Variants in IKZF3 observed in about 807,000 individuals in gnomAD.
The protein encoded by IKZF3 is IKAROS family zinc finger 3, also known as zinc finger protein Aiolos.
IKZF3 carries 10 observed loss-of-function variants against 49.0 expected under a neutral mutation model. The observed-to-expected ratio is 0.20, with a 90% CI of 0.13 to 0.35. The LOEUF (loss-of-function observed/expected upper bound fraction) is 0.35, where lower values mean the gene tolerates loss of function less well. Ranked by LOEUF, IKZF3 falls within the 10% of genes least tolerant of loss-of-function variation. The pLI is 1.00. For missense variants in IKZF3, 498 were observed against 664.8 expected (o/e 0.75, Z 2.76); for synonymous variants, 209 against 228.2 (o/e 0.92, Z 0.76).
chr17:39,836,092 G>A (rs902025254), intron 1 of IKZF3: 3 of 660,038 alleles, frequency 4.5e-6, no homozygotes, highest in Non-Finnish European at 8.2e-6. Flanking sequence ...GATGAAGGGG[G>A]CAAACTTGTT....
At chr17:39,817,919 A>G (rs182409638) in intron 3 of IKZF3, among the ~76,000 whole-genome samples, 12 of 152,246 alleles carry the variant, frequency 7.9e-5, no homozygotes, top group African/African-American at 2.9e-4. Context: ...CAAACCCTAT[A>G]TACAGTCACA....
At chr17:39,817,923 A>C (rs757005985) in intron 3 of IKZF3, among the ~76,000 whole-genome samples, 5 of 152,146 alleles carry the variant, frequency 3.3e-5, no homozygotes, top group Non-Finnish European at 7.4e-5. Context: ...CCCTATATAC[A>C]GTCACATGCT....
intron 3 of IKZF3, among the ~76,000 whole-genome samples, chr17:39,799,837 G>C: frequency 6.6e-6 from 1 of 151,754 alleles, no homozygotes; most frequent in Middle Eastern, 3.2e-3. Context: ...CCCTTAACTA[G>C]AAAAAAAATT....
chr17:39,778,607 G>A (rs191026190), intron 6 of IKZF3, among the ~76,000 whole-genome samples: 2 of 152,282 alleles, frequency 1.3e-5, no homozygotes, highest in African/African-American at 4.8e-5. Flanking sequence ...TTCGAGACCA[G>A]CCTGACCAAC....
At chr17:39,786,525 T>C (rs2060879155) in intron 6 of IKZF3, among the ~76,000 whole-genome samples, 1 of 152,342 alleles carries the variant, frequency 6.6e-6, no homozygotes, top group South Asian at 2.1e-4. Flanking sequence ...CCATGAAGCA[T>C]GCCACTTAAG....
At chr17:39,797,291 C>T (rs1304782765) in intron 3 of IKZF3, among the ~76,000 whole-genome samples, 2 of 152,178 alleles carry the variant, frequency 1.3e-5, no homozygotes, top group African/African-American at 4.8e-5. Flanking sequence ...TTGAATATCA[C>T]CAACCATAAT....
At chr17:39,810,474 A>G (rs1372757426) in intron 3 of IKZF3, among the ~76,000 whole-genome samples, 2 of 152,188 alleles carry the variant, frequency 1.3e-5, no homozygotes, top group Non-Finnish European at 1.5e-5. Context: ...TTAAAAATAC[A>G]TAAGTAAGCT....
At chr17:39,781,837 A>G (rs1249864223) in intron 6 of IKZF3, among the ~76,000 whole-genome samples, 2 of 152,188 alleles carry the variant, frequency 1.3e-5, no homozygotes, top group Non-Finnish European at 2.9e-5. Flanking sequence ...CCAGATAAAC[A>G]TTATTCTGTA....
intron 3 of IKZF3, among the ~76,000 whole-genome samples, chr17:39,795,882 G>A (rs1016224197): frequency 1.3e-5 from 2 of 150,960 alleles, no homozygotes; most frequent in Non-Finnish European, 3.0e-5. Context: ...GCAAAACCCC[G>A]TCTCCACTAA....
chr17:39,862,365 A>G (rs2144611440), intron 1 of IKZF3, among the ~76,000 whole-genome samples: 1 of 152,300 alleles, frequency 6.6e-6, no homozygotes, highest in Non-Finnish European at 1.5e-5. Flanking sequence ...AAGGTATTCC[A>G]TGAAGTATTC....
chr17:39,850,860 A>G (rs1302572331), intron 1 of IKZF3, among the ~76,000 whole-genome samples: 58 of 97,940 alleles, frequency 5.9e-4, no homozygotes, highest in Non-Finnish European at 1.2e-3. Context: ...AATATGCTCT[A>G]TAGTATATAT....
At chr17:39,821,812 G>A (rs1598112678) in intron 3 of IKZF3, among the ~76,000 whole-genome samples, 2 of 152,186 alleles carry the variant, frequency 1.3e-5, no homozygotes, top group African/African-American at 4.8e-5. Flanking sequence ...AGAAACTACT[G>A]AAACCAGGGG....
chr17:39,775,568 C>A (rs1015815587), intron 7 of IKZF3, among the ~76,000 whole-genome samples: 1 of 152,186 alleles, frequency 6.6e-6, no homozygotes, highest in Non-Finnish European at 1.5e-5. Context: ...ACCGAAAATA[C>A]TAGGGACTGT....
At chr17:39,778,002 A>G (rs1047505819) in intron 6 of IKZF3, 14 of 1,197,464 alleles carry the variant, frequency 1.2e-5, no homozygotes, top group African/African-American at 1.6e-5. Context: ...ACCCATCCCC[A>G]ACCAGTACCT....
chr17:39,784,924 T>A (rs1173760373), intron 6 of IKZF3, among the ~76,000 whole-genome samples: 2 of 152,168 alleles, frequency 1.3e-5, no homozygotes, highest in Non-Finnish European at 2.9e-5. Flanking sequence ...AAGTCCTGCT[T>A]CCCCTTGCAG....
intron 3 of IKZF3, among the ~76,000 whole-genome samples, chr17:39,809,794 G>A (rs571992599): frequency 6.6e-6 from 1 of 152,264 alleles, no homozygotes; most frequent in East Asian, 1.9e-4. Flanking sequence ...TTAAAAGATT[G>A]ACATAGATTT....
At chr17:39,831,848 A>AAAAC (rs897642257) in intron 2 of IKZF3, among the ~76,000 whole-genome samples, 91 of 152,284 alleles carry the variant, frequency 6.0e-4, no homozygotes, top group African/African-American at 1.5e-3. Flanking sequence ...TGAAAAATCA[A>AAAAC]AAACAAACAA....
At chr17:39,827,487 T>TAA (rs2061988435) in intron 3 of IKZF3, among the ~76,000 whole-genome samples, 1 of 151,774 alleles carries the variant, frequency 6.6e-6, no homozygotes, top group South Asian at 2.1e-4. Context: ...TAATTTTTTT[T>TAA]TATAGAGATG....
intron 3 of IKZF3, among the ~76,000 whole-genome samples, chr17:39,818,559 C>T (rs889945393): frequency 2.6e-5 from 4 of 152,082 alleles, no homozygotes; most frequent in East Asian, 1.9e-4. Context: ...GATCTTTCAA[C>T]GTTAAAATTA....
Sources: allele counts gnomAD v4.1 joint callset (sites outside exome capture counted in the v4.1 genomes callset), GRCh38; gene constraint gnomAD v4.1.1; transcripts MANE v1.5; gene names NCBI Gene and HGNC (gene_info 2026-07-23, HGNC 2026-07-21).